The following UBE3B variants were observed in gnomAD, a reference collection of about 807,000 sequenced individuals.
UBE3B encodes ubiquitin-protein ligase E3B.
A neutral mutation model predicts 132.3 loss-of-function variants in UBE3B; 80 were observed. That is an observed-to-expected ratio of 0.60 (90% CI 0.50 to 0.73). UBE3B has a LOEUF of 0.73. Ranked by LOEUF, UBE3B falls within the 30% of genes least tolerant of loss-of-function variation. UBE3B has a pLI of 0.00. For missense variants in UBE3B, 1,196 were observed against 1,362.5 expected (o/e 0.88, Z 1.92); for synonymous variants, 487 against 520.4 (o/e 0.94, Z 0.87).
intron 18 of UBE3B, among the ~76,000 whole-genome samples, chr12:109,515,933 G>A (rs1227584647): frequency 6.6e-6 from 1 of 152,152 alleles, no homozygotes; most frequent in Non-Finnish European, 1.5e-5. Context: ...GGGCTTGAAG[G>A]CACAGAGGAG....
chr12:109,511,383 C>T, intron 18 of UBE3B, 80 bp downstream of exon 18: 1 of 1,292,260 alleles, frequency 7.7e-7, no homozygotes, highest in Admixed American at 1.9e-5. Context: ...CTTGCTATGG[C>T]AATTGGAGGT....
intron 4 of UBE3B, among the ~76,000 whole-genome samples, chr12:109,484,543 C>G (rs1193041463): frequency 1.3e-5 from 2 of 152,168 alleles, no homozygotes; most frequent in Non-Finnish European, 2.9e-5. Flanking sequence ...AGGCTCGTGC[C>G]ACCACGCCCA....
rs1390527880 is a variant in UBE3B, at chr12:109,483,620, G to C, written c.69G>C (p.Arg23Ser). 6.2e-7 allele frequency: 1 copy of C among 1,613,168 alleles called. No individual in the cohort carries two copies. Among genetic ancestry groups the C allele is most frequent in the East Asian group, 2.2e-5 (1 of 44,884 alleles). The change falls in exon 3 of 28, where the codon AGG (arginine) becomes AGC (serine). Residue 23 changes from arginine to serine, a missense_variant. By Grantham distance (110) the Arg-to-Ser change is moderately radical. Transcript: ENST00000342494. The part of the protein sequence containing the change: ...IDRARQAREE[R>S]LVQKERERAA... ...GAGCCCGTCAGGCACGAGAAGAAAG[G>C]CTTGTGCAGAAGGAACGGGAGCGGG...
At chr12:109,520,343 G>A (rs780539134) in intron 19 of UBE3B, 1 of 152,266 alleles carries the variant, frequency 6.6e-6, no homozygotes, top group Non-Finnish European at 1.5e-5. Flanking sequence ...CAACAGATTA[G>A]AATCAAGAGA....
intron 21 of UBE3B, among the ~76,000 whole-genome samples, chr12:109,523,474 T>A (rs1208056711): frequency 6.6e-6 from 1 of 152,240 alleles, no homozygotes; most frequent in Admixed American, 6.5e-5. Flanking sequence ...CCCTGGAGTA[T>A]GCCTGGGGCC....
In UBE3B at chr12:109,521,550, A is replaced by G; in HGVS notation, c.2363A>G (p.Glu788Gly). The G allele has an allele frequency of 6.4e-7, 1 of 1,564,226 alleles. No individual in the cohort carries two copies. Among genetic ancestry groups the G allele is most frequent in the East Asian group, 2.3e-5 (1 of 44,332 alleles). Residue 788 changes from glutamate to glycine, a missense_variant and splice_region_variant, in exon 21 of 28, where the codon GAG (glutamate) becomes GGG (glycine). Glu to Gly is a moderately conservative substitution (Grantham distance 98). Transcript: ENST00000342494. This position sits in a 1 kb window ranked among gnomAD's most constrained non-coding sequence, Gnocchi z 4.2. ...AAGATGCTGGGGAAGGCTGTGTATG[A>G]GGTAGGAACGTTAAGAAACAGAGAA... ...VGKMLGKAVY[E>G]GIVVDVPFAS...
intron 9 of UBE3B, among the ~76,000 whole-genome samples, chr12:109,494,558 C>A (rs147087801): frequency 3.1e-4 from 47 of 152,344 alleles, no homozygotes; most frequent in Non-Finnish European, 6.0e-4. Context: ...CTCAACCCCC[C>A]ACCATGTCTG....
chr12:109,529,030 G>T (rs1396981898), intron 24 of UBE3B, among the ~76,000 whole-genome samples: 1 of 151,924 alleles, frequency 6.6e-6, no homozygotes, highest in African/African-American at 2.4e-5. Context: ...GTGTGGTGGT[G>T]CATGCCTGTA....
chr12:109,532,107 G>A (rs866416169), intron 26 of UBE3B, among the ~76,000 whole-genome samples: 2 of 152,200 alleles, frequency 1.3e-5, no homozygotes, highest in Non-Finnish European at 1.5e-5. Flanking sequence ...TCGCAGGAGC[G>A]GGAAAGCTTC....
chr12:109,490,041 A>T, intron 8 of UBE3B, 37 bp downstream of exon 8: 1 of 1,580,388 alleles, frequency 6.3e-7, no homozygotes, highest in African/African-American at 1.3e-5. Flanking sequence ...CAACTTCTCC[A>T]CTCTCCAACA....
At chr12:109,541,005 T>C (rs999290429), downstream of UBE3B, among the ~76,000 whole-genome samples, 1 of 152,224 alleles carries the variant, frequency 6.6e-6, no homozygotes, top group Non-Finnish European at 1.5e-5. Context: ...TCTGCACGTC[T>C]CTGGCTCCAG....
At chr12:109,486,647 T>A in intron 6 of UBE3B, 72 bp downstream of exon 6, 1 of 1,217,258 alleles carries the variant, frequency 8.2e-7, no homozygotes, top group Non-Finnish European at 1.1e-6. Context: ...CCTGTAGACT[T>A]TAGTCTGTAT....
chr12:109,496,310 CT>C (rs1333295100), intron 9 of UBE3B, among the ~76,000 whole-genome samples: 1 of 152,176 alleles, frequency 6.6e-6, no homozygotes, highest in Admixed American at 6.5e-5. Context: ...GTTGTTTCTA[CT>C]TTTTGGCTAT....
chr12:109,512,295 G>A (rs1270196724), intron 18 of UBE3B, among the ~76,000 whole-genome samples: 1 of 152,156 alleles, frequency 6.6e-6, no homozygotes, highest in Non-Finnish European at 1.5e-5. Flanking sequence ...AGAAGTCCAG[G>A]GCACTGAGGC....
At chr12:109,531,785 T>C (rs747112092) in intron 26 of UBE3B, among the ~76,000 whole-genome samples, 1 of 152,102 alleles carries the variant, frequency 6.6e-6, no homozygotes, top group Non-Finnish European at 1.5e-5. Flanking sequence ...AAGTGCCTCA[T>C]GGGCAAAGCA....
chr12:109,533,411 G>A lies in UBE3B; in HGVS notation c.2923-55G>A, dbSNP rs375335935. ...ACGTGCTACACAGCTGCAAGGGCCCGTCCTGGAAGAGCAGGAGCCTGCCCC... is the reference window on the plus strand; with the variant it reads ...ACGTGCTACACAGCTGCAAGGGCCCATCCTGGAAGAGCAGGAGCCTGCCCC... On this transcript the variant is annotated intron_variant, in intron 26 of 27. Transcript: ENST00000342494. 416 of 1,504,064 alleles carry A rather than the reference G, an allele frequency of 2.8e-4. No individual in the cohort carries two copies. In the African/African-American group the frequency reaches 4.6e-3, roughly 16 times the overall value. 93.2% of individuals were successfully genotyped at this position (1,504,064 alleles called of 1,614,324 possible).
intron 5 of UBE3B, 53 bp from the exon 6 acceptor site, chr12:109,486,418 A>G: frequency 7.1e-7 from 1 of 1,413,110 alleles, no homozygotes; most frequent in Non-Finnish European, 9.9e-7. Flanking sequence ...TTAGAGCACA[A>G]GTGATATGAT....
chr12:109,533,792 C>T (rs1883199895), intron 27 of UBE3B: 1 of 882,396 alleles, frequency 1.1e-6, no homozygotes, highest in Non-Finnish European at 1.8e-6. Context: ...TTTCCTTCCT[C>T]AGGGAAGGGT....
intron 5 of UBE3B, 120 bp downstream of exon 5, chr12:109,486,191 G>A: frequency 1.9e-6 from 2 of 1,065,972 alleles, no homozygotes; most frequent in Non-Finnish European, 2.7e-6. Flanking sequence ...AGTAGTGGAT[G>A]GAAAACATTA....
Sources: allele counts gnomAD v4.1 joint callset (sites outside exome capture counted in the v4.1 genomes callset), GRCh38; gene constraint gnomAD v4.1.1; non-coding constraint Gnocchi (gnomAD v3.1); transcripts MANE v1.5; gene names NCBI Gene and HGNC (gene_info 2026-07-23, HGNC 2026-07-21).